Variants in LRRC4B observed in about 807,000 individuals in gnomAD.
LRRC4B encodes leucine-rich repeat-containing protein 4B.
In LRRC4B, 1 loss-of-function variant was observed where a neutral mutation model predicts 7.3. The observed-to-expected ratio is 0.14, with a 90% CI of 0.05 to 0.65. The LOEUF is 0.65. Among genes scored for constraint, LRRC4B ranks in the 30% least tolerant of loss-of-function variants. LRRC4B has a pLI of 0.84. For missense variants in LRRC4B, 730 were observed against 1,041.6 expected (o/e 0.70, Z 4.12); for synonymous variants, 500 against 499.2 (o/e 1.00, Z -0.02).
At chr19:50,566,691 G>A (rs1982640521) in intron 1 of LRRC4B, among the ~76,000 whole-genome samples, 1 of 151,778 alleles carries the variant, frequency 6.6e-6, no homozygotes, top group African/African-American at 2.4e-5. Context: ...TAGAGATGGG[G>A]GGAACCCTGA....
At chr19:50,566,451 C>T (rs746475493) in intron 1 of LRRC4B, among the ~76,000 whole-genome samples, 9 of 151,428 alleles carry the variant, frequency 5.9e-5, no homozygotes, top group Non-Finnish European at 1.0e-4. Context: ...AGGGGAATTC[C>T]CCACCCCGAC....
In LRRC4B at chr19:50,517,273, A is replaced by C; in HGVS notation, c.*298T>G. 4.0e-6 allele frequency: 1 copy of C among 247,088 alleles called. No individual in the cohort carries two copies. The highest frequency in any genetic ancestry group is 7.8e-6 in the Non-Finnish European group (1 of 128,330). 15.3% of individuals were successfully genotyped at this position (247,088 alleles called of 1,614,324 possible). On this transcript the variant is annotated 3_prime_UTR_variant, in exon 3 of 3. Transcript: ENST00000652263. This position sits in a 1 kb window ranked among gnomAD's most constrained non-coding sequence, Gnocchi z 6.6. ...CGGCGGGCCCGGAACGCTTGGTGGG[A>C]GAGCGAGGAGGAAACGCGGAGAACT...
intron 1 of LRRC4B, among the ~76,000 whole-genome samples, chr19:50,550,395 A>T (rs1368638678): frequency 6.6e-6 from 1 of 151,588 alleles, no homozygotes; most frequent in Admixed American, 6.6e-5. Context: ...TCACACAAAC[A>T]CGCACACCGA....
In LRRC4B at chr19:50,518,482, C is replaced by T. The variant is rs764615082; in HGVS notation, c.1231G>A (p.Val411Met). The T allele has an allele frequency of 6.4e-7, 1 of 1,556,056 alleles. No homozygotes were observed. The highest frequency in any genetic ancestry group is 8.7e-7 in the Non-Finnish European group (1 of 1,150,464). ...CCGTCATGCAGGACGGAGATGCGCA[C>T]GCGGTAGGAGCCGTGGGTCATGAGG... ...GTLMTHGSYR[V>M]RISVLHDGTL... Residue 411 changes from valine to methionine, a missense_variant, in exon 3 of 3, where the codon GTG (valine) becomes ATG (methionine). By Grantham distance (21) the Val-to-Met change is conservative (BLOSUM62 1). This residue lies in a region of LRRC4B where 226 missense variants were observed against 448.0 expected (regional missense o/e 0.50). Transcript: ENST00000652263.
intron 2 of LRRC4B, among the ~76,000 whole-genome samples, chr19:50,542,950 G>A (rs57055401): frequency 0.28 from 42,005 of 151,908 alleles, 6,077 homozygotes; most frequent in Admixed American, 0.38. Context: ...AAGTCCCCGC[G>A]AGGTTCTTGC....
Position 50,548,957 on chromosome 19 carries a change from C to A in LRRC4B, c.-35-84G>T, listed in dbSNP as rs1422732002. ...TGGGTGCTTGCCAACACCCAGGCAGCCCCATCGCCGCCTCCCTGCCCCATG... is the reference window on the plus strand; with the variant it reads ...TGGGTGCTTGCCAACACCCAGGCAGACCCATCGCCGCCTCCCTGCCCCATG... On this transcript the variant is annotated intron_variant, in intron 1 of 2. Coordinates refer to ENST00000652263, the MANE Select transcript of LRRC4B (RefSeq NM_001080457.2). The surrounding 1 kb of genome is among the most constrained non-coding windows in gnomAD (Gnocchi z 6.8). 3 of 728,254 alleles carry A rather than the reference C, an allele frequency of 4.1e-6. No individual in the cohort carries two copies. Among genetic ancestry groups the A allele is most frequent in the Non-Finnish European group, 6.6e-6 (3 of 457,758 alleles). The allele number at this position is 728,254 out of a possible 1,614,324, so 45.1% of individuals were successfully genotyped here.
chr19:50,561,730 G>A (rs1982469612), intron 1 of LRRC4B, among the ~76,000 whole-genome samples: 1 of 151,946 alleles, frequency 6.6e-6, no homozygotes, highest in African/African-American at 2.4e-5. Flanking sequence ...GCAAGACCCT[G>A]TTCTCCCCCA....
intron 2 of LRRC4B, among the ~76,000 whole-genome samples, chr19:50,531,640 GTC>G (rs946956953): frequency 9.9e-5 from 15 of 152,236 alleles, no homozygotes; most frequent in African/African-American, 3.6e-4. Context: ...CAGAATTCCA[GTC>G]TATTCTGTCT....
chr19:50,530,290 TG>T (rs754245990), intron 2 of LRRC4B, among the ~76,000 whole-genome samples: 2 of 152,110 alleles, frequency 1.3e-5, no homozygotes, highest in Non-Finnish European at 2.9e-5. Flanking sequence ...AAGTTCAGCC[TG>T]TATTGGAAGC....
chr19:50,521,085 C>T (rs971514071), intron 2 of LRRC4B, among the ~76,000 whole-genome samples: 1 of 152,064 alleles, frequency 6.6e-6, no homozygotes, highest in African/African-American at 2.4e-5. Flanking sequence ...GCTGCTGTGA[C>T]CCCCTGGATG....
At chr19:50,543,519 C>T (rs916747317) in intron 2 of LRRC4B, among the ~76,000 whole-genome samples, 1 of 152,000 alleles carries the variant, frequency 6.6e-6, no homozygotes, top group African/African-American at 2.4e-5. Flanking sequence ...AATGAGCCAA[C>T]GGATGTCCCC....
At chr19:50,546,524 G>A (rs888329722) in intron 2 of LRRC4B, among the ~76,000 whole-genome samples, 10 of 152,082 alleles carry the variant, frequency 6.6e-5, no homozygotes, top group Non-Finnish European at 1.5e-4. Flanking sequence ...GCAGGGGGCG[G>A]TGCAAGAACC....
At position 50,517,659 on chromosome 19, in the gene LRRC4B, C is replaced by A. The variant is rs1312169854; in HGVS notation, c.2054G>T (p.Gly685Val). ...SSNPSGGGCG[G>V]KGPPGLNSIH... ...GGAGTTGAGGCCAGGCGGGCCTTTG[C>A]CCCCGCAGCCCCCGCCGCTGGGGTT... The change falls in exon 3 of 3, where the codon GGC becomes GTC. Residue 685 changes from glycine (G) to valine (V), a missense_variant. Coordinates refer to ENST00000652263, the MANE Select transcript of LRRC4B (RefSeq NM_001080457.2). This position sits in a 1 kb window ranked among gnomAD's most constrained non-coding sequence, Gnocchi z 6.6. The A allele has an allele frequency of 3.3e-6, 5 of 1,511,756 alleles. No individual in the cohort carries two copies. The East Asian group carries it at 9.8e-5, about 30-fold the overall frequency. The allele number at this position is 1,511,756 out of a possible 1,614,324, so 93.6% of individuals were successfully genotyped here.
chr19:50,548,560 C>T lies in LRRC4B; in HGVS notation c.279G>A (p.Leu93=). Residue 93 remains leucine (L), a synonymous_variant, in exon 2 of 3, where the codon CTG becomes CTA. Transcript: ENST00000652263. The surrounding 1 kb of genome is among the most constrained non-coding windows in gnomAD (Gnocchi z 6.8). ...CGCATACCTGGATGCCGTTCTCTTG[C>T]AGGTTCAGGTACCGCGTGTTGACCG... ...SIPVNTRYLN[L]QENGIQVIRT... is the part of the protein sequence containing the mutation. The T allele has an allele frequency of 6.3e-7, 1 of 1,599,464 alleles. No homozygotes were observed. The highest frequency in any genetic ancestry group is 1.1e-5 in the South Asian group (1 of 90,124).
intron 2 of LRRC4B, among the ~76,000 whole-genome samples, chr19:50,520,231 AAAAAAAAAAAAAAAAAG>A: frequency 1.4e-5 from 1 of 72,774 alleles, no homozygotes; most frequent in South Asian, 6.5e-4. Flanking sequence ...AAAAAAAAAA[AAAAAAAAAAAAAAAAAG>A]AAGAAAAGAA....
intron 1 of LRRC4B, among the ~76,000 whole-genome samples, chr19:50,559,996 G>A (rs1451719811): frequency 6.6e-6 from 1 of 152,146 alleles, no homozygotes; most frequent in African/African-American, 2.4e-5. Context: ...TTAGCTGGGC[G>A]TGGAGGCACC....
At position 50,556,880 on chromosome 19, in the gene LRRC4B, G is replaced by T. The variant is rs1266772412; in HGVS notation, c.-35-8007C>A. ...GAGGGCGGGCACAGGGTGGGCCCCG[G>T]AACGTCCAGGAGGGAAGCCGGGAGG... On this transcript the variant is annotated intron_variant, in intron 1 of 2. Coordinates refer to ENST00000652263, the MANE Select transcript of LRRC4B (RefSeq NM_001080457.2). The surrounding 1 kb of genome is among the most constrained non-coding windows in gnomAD (Gnocchi z 4.2). Among the ~76,000 whole-genome samples the T allele has an allele frequency of 2.6e-5, 4 of 152,052 alleles. No homozygotes were observed. The highest frequency in any genetic ancestry group is 5.9e-5 in the Non-Finnish European group (4 of 67,992).
chr19:50,534,002 T>C (rs1168025084), intron 2 of LRRC4B, among the ~76,000 whole-genome samples: 2 of 152,204 alleles, frequency 1.3e-5, no homozygotes, highest in Non-Finnish European at 2.9e-5. Flanking sequence ...ACAATGCTTT[T>C]TGAGCTGTGG....
intron 1 of LRRC4B, among the ~76,000 whole-genome samples, chr19:50,558,248 TACAC>T (rs1288892543): frequency 2.0e-5 from 3 of 149,446 alleles, no homozygotes; most frequent in Non-Finnish European, 4.5e-5. Flanking sequence ...CATACATACA[TACAC>T]ACACACACAT....
Sources: allele counts gnomAD v4.1 joint callset (sites outside exome capture counted in the v4.1 genomes callset), GRCh38; gene constraint gnomAD v4.1.1; regional missense constraint gnomAD v4.1.1; non-coding constraint Gnocchi (gnomAD v3.1); transcripts MANE v1.5; gene names NCBI Gene and HGNC (gene_info 2026-07-23, HGNC 2026-07-21).